Variants in SHOC1 observed in about 807,000 individuals in gnomAD.
The protein encoded by SHOC1 is protein shortage in chiasmata 1 ortholog.
In SHOC1, 136 loss-of-function variants were observed where a neutral mutation model predicts 179.2. That is an observed-to-expected ratio of 0.76 (90% CI 0.66 to 0.87). The LOEUF is 0.87. Ranked by LOEUF, SHOC1 falls within the 40% of genes least tolerant of loss-of-function variation. SHOC1 has a pLI of 0.00. For missense variants in SHOC1, 1,538 were observed against 1,700.8 expected, an observed-to-expected ratio of 0.90 and a Z score of 1.68; for synonymous variants, 489 against 586.6, an observed-to-expected ratio of 0.83 and a Z score of 2.41.
chr9:111,704,435 T>C (rs1832151755), intron 21 of SHOC1, among the ~76,000 whole-genome samples: 1 of 152,140 alleles, frequency 6.6e-6, no homozygotes, highest in African/African-American at 2.4e-5. Flanking sequence ...CAGCCTGGAG[T>C]GCAGTGGTGC....
In SHOC1 at chr9:111,738,393, A is replaced by G; in HGVS notation, c.1304T>C (p.Leu435Pro). ...AEWWKQAGLN[L>P]KMMETLEHLN... is the part of the protein sequence containing the mutation. ...ATGTTCCAATGTTTCCATCATTTTC[A>G]GATTTAGTCCTGCTTGTTTCCACCA... The change falls in exon 12 of 28, where the codon CTG becomes CCG. Residue 435 changes from leucine (L) to proline (P), a missense_variant. Physicochemically the swap from Leu to Pro is moderately conservative, Grantham distance 98. Coordinates refer to ENST00000682961, the MANE Select transcript of SHOC1 (RefSeq NM_001378211.1). 6.2e-7 allele frequency: 1 copy of G among 1,613,382 alleles called. No homozygotes were observed. The highest frequency in any genetic ancestry group is 1.1e-5 in the South Asian group (1 of 91,014).
intron 24 of SHOC1, among the ~76,000 whole-genome samples, chr9:111,695,742 C>T (rs1831659924): frequency 6.6e-6 from 1 of 151,986 alleles, no homozygotes; most frequent in Admixed American, 6.6e-5. Context: ...GTTAACATCA[C>T]GAGTAGGAAT....
intron 5 of SHOC1, among the ~76,000 whole-genome samples, chr9:111,760,513 AG>A (rs1206921208): frequency 6.6e-6 from 1 of 152,194 alleles, no homozygotes; most frequent in African/African-American, 2.4e-5. Flanking sequence ...GAAAGAAGAG[AG>A]GTTTATTCTT....
At chr9:111,706,920 AT>A (rs1832305233) in intron 19 of SHOC1, among the ~76,000 whole-genome samples, 174 bp from the exon 20 acceptor site, 2 of 152,184 alleles carry the variant, frequency 1.3e-5, no homozygotes, top group South Asian at 4.1e-4. Flanking sequence ...TAATTTCTTT[AT>A]ATTTTTCTTC....
intron 5 of SHOC1, among the ~76,000 whole-genome samples, chr9:111,768,934 C>A (rs940244236): frequency 6.6e-6 from 1 of 152,016 alleles, no homozygotes; most frequent in Non-Finnish European, 1.5e-5. Flanking sequence ...TCCTTCTATA[C>A]CTATTTTGAT....
chr9:111,771,497 A>G (rs1835606109), intron 5 of SHOC1, among the ~76,000 whole-genome samples: 2 of 152,156 alleles, frequency 1.3e-5, no homozygotes, highest in Admixed American at 6.5e-5. Context: ...ACTTAATTTT[A>G]CCAGTGGGTA....
At chr9:111,699,192 C>T (rs577551260) in intron 24 of SHOC1, among the ~76,000 whole-genome samples, 1 of 151,992 alleles carries the variant, frequency 6.6e-6, no homozygotes, top group South Asian at 2.1e-4. Flanking sequence ...TGAATTTAGG[C>T]CTAGAAGAAG....
At chr9:111,722,343 T>G in intron 15 of SHOC1, 66 bp downstream of exon 15, 1 of 1,445,302 alleles carries the variant, frequency 6.9e-7, no homozygotes, top group South Asian at 1.4e-5. Flanking sequence ...ACCCAATTTT[T>G]ACTAATTTGA....
At chr9:111,707,707 C>G (rs888322003) in intron 19 of SHOC1, 148 bp downstream of exon 19, 1 of 577,652 alleles carries the variant, frequency 1.7e-6, no homozygotes, top group Non-Finnish European at 3.1e-6. Context: ...ATTAAAGTGC[C>G]CTATGTAAAG....
intron 5 of SHOC1, among the ~76,000 whole-genome samples, chr9:111,764,822 A>T (rs1398189791): frequency 6.6e-6 from 1 of 152,176 alleles, no homozygotes; most frequent in African/African-American, 2.4e-5. Context: ...GGGGTGGTTG[A>T]TGAAGTCAGG....
At chr9:111,769,975 G>GTTTGTTTTTTTTTTTTTTTTTTT (rs1564161086) in intron 5 of SHOC1, among the ~76,000 whole-genome samples, 1 of 87,804 alleles carries the variant, frequency 1.1e-5, no homozygotes, top group African/African-American at 5.3e-5. Context: ...TTTATCTTCT[G>GTTTGTTTTTTTTTTTTTTTTTTT]TTTTTTTTTT....
In SHOC1 at chr9:111,691,713, A is replaced by G; in HGVS notation, c.4264T>C (p.Leu1422=). Residue 1422 remains leucine, a synonymous_variant, in exon 27 of 28, where the codon TTA becomes CTA. Transcript: ENST00000682961. ...SSKDETFWRE[L]PSVPSLDLFR... ...AAATCCAAACTGGGGACAGATGGTA[A>G]TTCTCTCCAGAAAGTCTCATCTTTT... 6.2e-7 allele frequency: 1 copy of G among 1,613,986 alleles called. No homozygotes were observed. Among genetic ancestry groups the G allele is most frequent in the Middle Eastern group, 1.7e-4 (1 of 6,058 alleles).
rs1439677952 is a variant in SHOC1 at position 111,686,942 on chromosome 9, T to TTC, written c.4427-73_4427-72insGA. ...AAAGTATAGGTTTTTTCTTTTCCTT[T>TTC]TTTTTTTTTTTTTCTTTTTTGAGAT... On this transcript the variant is annotated intron_variant, in intron 27 of 27. Transcript: ENST00000682961. 95 of 805,018 alleles carry TTC rather than the reference T, an allele frequency of 1.2e-4. No individual in the cohort carries two copies. In the Middle Eastern group the frequency reaches 2.1e-3, roughly 18 times the overall value. The allele number at this position is 805,018 out of a possible 1,614,324, so 49.9% of individuals were successfully genotyped here.
intron 11 of SHOC1, among the ~76,000 whole-genome samples, chr9:111,740,018 G>A (rs1259745200): frequency 6.6e-6 from 1 of 152,152 alleles, no homozygotes; most frequent in Non-Finnish European, 1.5e-5. Context: ...AAGTATATAG[G>A]TGGTTTGAAT....
rs977998294 is a variant in SHOC1, at chr9:111,793,914, C to T, written c.-37+986G>A. 2.0e-5 allele frequency among the ~76,000 whole-genome samples: 3 copies of T among 151,934 alleles called. No homozygotes were observed. In the East Asian group the frequency reaches 5.8e-4, roughly 29 times the overall value. ...GTCCCCAGGCTGGAGTGCAATGGTG[C>T]GATCTTGGCTCACTGCAACCTCCAG... On this transcript the variant is annotated intron_variant, in intron 1 of 27. Coordinates refer to ENST00000682961, the MANE Select transcript of SHOC1 (RefSeq NM_001378211.1).
intron 20 of SHOC1, among the ~76,000 whole-genome samples, chr9:111,705,758 A>T (rs1000952821): frequency 6.6e-6 from 1 of 152,104 alleles, no homozygotes; most frequent in African/African-American, 2.4e-5. Flanking sequence ...TGTATTAAAT[A>T]TATACTGATT....
intron 8 of SHOC1, among the ~76,000 whole-genome samples, chr9:111,754,850 T>C (rs1038954842): frequency 5.9e-5 from 9 of 152,214 alleles, no homozygotes; most frequent in African/African-American, 1.2e-4. Context: ...AAGTCACAGA[T>C]GACATATTAT....
chr9:111,793,389 C>T (rs1836513557), intron 1 of SHOC1, among the ~76,000 whole-genome samples: 1 of 152,192 alleles, frequency 6.6e-6, no homozygotes, highest in African/African-American at 2.4e-5. Context: ...ATCACTCTCA[C>T]CAATTACCTT....
intron 12 of SHOC1, among the ~76,000 whole-genome samples, chr9:111,730,488 A>T (rs1833515515): frequency 6.6e-6 from 1 of 152,212 alleles, no homozygotes; most frequent in African/African-American, 2.4e-5. Flanking sequence ...AAACAACATT[A>T]ATCTTCTTGT....
Sources: allele counts gnomAD v4.1 joint callset (sites outside exome capture counted in the v4.1 genomes callset), GRCh38; gene constraint gnomAD v4.1.1; transcripts MANE v1.5; gene names NCBI Gene and HGNC (gene_info 2026-07-23, HGNC 2026-07-21).